The following DIAPH2 variants were observed in gnomAD, a reference collection of about 807,000 sequenced individuals.
DIAPH2 encodes the protein protein diaphanous homolog 2.
In DIAPH2, 35 loss-of-function variants were observed where a neutral mutation model predicts 92.7. The observed-to-expected ratio is 0.38, with a 90% CI of 0.29 to 0.50. DIAPH2 has a LOEUF of 0.50. Ranked by LOEUF, DIAPH2 falls within the 20% of genes least tolerant of loss-of-function variation. The pLI, the probability that DIAPH2 is intolerant of heterozygous loss-of-function variation, is 0.94. For synonymous variants in DIAPH2, 301 were observed against 280.4 expected (o/e 1.07, Z -0.73); for missense variants, 701 against 819.5 (o/e 0.86, Z 1.77).
chrX:96,836,236 A>G (rs2064885866), intron 4 of DIAPH2, among the ~76,000 whole-genome samples: 1 of 109,866 alleles, frequency 9.1e-6, no homozygotes, highest in Non-Finnish European at 1.9e-5. Context: ...TCTCTTAACC[A>G]CAGAGGTGGT....
At chrX:97,395,945 C>T (rs1185914120) in intron 25 of DIAPH2, among the ~76,000 whole-genome samples, 1 of 111,972 alleles carries the variant, frequency 8.9e-6, no homozygotes, top group Non-Finnish European at 1.9e-5. Flanking sequence ...ACAAATTTGG[C>T]TTTTCTCTAC....
At chrX:96,813,257 T>A (rs2147664687) in intron 4 of DIAPH2, among the ~76,000 whole-genome samples, 1 of 110,653 alleles carries the variant, frequency 9.0e-6, no homozygotes, top group South Asian at 3.9e-4. Flanking sequence ...GTTGAATTGA[T>A]CCCTTTACCA....
At chrX:96,763,285 A>AT (rs1485901279) in intron 4 of DIAPH2, among the ~76,000 whole-genome samples, 29 of 111,052 alleles carry the variant, frequency 2.6e-4, no homozygotes, top group Non-Finnish European at 2.8e-4. Flanking sequence ...CTGGACAAGT[A>AT]TTTTTTCTGT....
rs548213064 is a variant in DIAPH2 at position 96,984,598 on chromosome X, G to A, written c.2050+19391G>A. On this transcript the variant is annotated intron_variant, in intron 17 of 26. Transcript: ENST00000324765. ...CAGCAACAGTGATATTGCTGGTCAG[G>A]GTCCAATGTCTCAGGATTAATATGG... Among the ~76,000 whole-genome samples the A allele has an allele frequency of 5.4e-5, 6 of 110,929 alleles. No individual in the cohort carries two copies. In the South Asian group the frequency reaches 1.1e-3, roughly 21 times the overall value.
At chrX:96,695,060 G>C (rs1319945864) in intron 1 of DIAPH2, among the ~76,000 whole-genome samples, 1 of 108,219 alleles carries the variant, frequency 9.2e-6, no homozygotes, top group Non-Finnish European at 1.9e-5. Context: ...AGATTCTCCT[G>C]CCTCAGCCTC....
intron 25 of DIAPH2, among the ~76,000 whole-genome samples, chrX:97,384,576 GTTGT>G (rs1569381136): frequency 8.9e-6 from 1 of 111,854 alleles, no homozygotes; most frequent in Non-Finnish European, 1.9e-5. Flanking sequence ...TTTAAAGTAA[GTTGT>G]TTGAGGCCGG....
At chrX:96,885,763 C>G (rs2065257755) in intron 5 of DIAPH2, among the ~76,000 whole-genome samples, 1 of 111,516 alleles carries the variant, frequency 9.0e-6, no homozygotes, top group South Asian at 3.7e-4. Flanking sequence ...ATGATTATTT[C>G]ATATATGATG....
intron 26 of DIAPH2, among the ~76,000 whole-genome samples, chrX:97,571,195 C>G (rs1313281473): frequency 9.0e-6 from 1 of 111,002 alleles, no homozygotes; most frequent in East Asian, 2.8e-4. Flanking sequence ...CAAGAAAGAA[C>G]CAGTCTTAAA....
At chrX:97,439,738 C>T (rs1030129898) in intron 26 of DIAPH2, among the ~76,000 whole-genome samples, 17 of 86,607 alleles carry the variant, frequency 2.0e-4, no homozygotes, top group Non-Finnish European at 1.9e-4. Flanking sequence ...CAGAGCCAGA[C>T]TCTGTCTCAA....
At chrX:97,268,093 A>G (rs1439385045) in intron 23 of DIAPH2, among the ~76,000 whole-genome samples, 1 of 112,118 alleles carries the variant, frequency 8.9e-6, no homozygotes, top group Non-Finnish European at 1.9e-5. Context: ...TACCATAATC[A>G]AAGAGCTAGA....
chrX:97,218,181 C>T (rs2067898993), intron 22 of DIAPH2, among the ~76,000 whole-genome samples: 1 of 108,173 alleles, frequency 9.2e-6, no homozygotes, highest in Admixed American at 9.9e-5. Context: ...CCTCCGCCTC[C>T]CAGGTTCAAG....
chrX:97,491,662 C>T (rs769908968), intron 26 of DIAPH2, among the ~76,000 whole-genome samples: 1 of 111,824 alleles, frequency 8.9e-6, no homozygotes, highest in East Asian at 2.8e-4. Flanking sequence ...ACCCAAAGTG[C>T]TGGGATTACA....
chrX:97,333,145 C>T (rs976891694), intron 23 of DIAPH2, among the ~76,000 whole-genome samples: 1 of 111,753 alleles, frequency 8.9e-6, no homozygotes, highest in Non-Finnish European at 1.9e-5. Flanking sequence ...ACTGAACCAA[C>T]AAGAATGTTA....
chrX:97,450,607 GC>G (rs1385090937), intron 26 of DIAPH2, among the ~76,000 whole-genome samples: 4 of 111,140 alleles, frequency 3.6e-5, no homozygotes, highest in Admixed American at 1.9e-4. Context: ...TCATCCCGCA[GC>G]CCCCACCTCT....
chrX:97,317,164 A>G (rs1218700919), intron 23 of DIAPH2, among the ~76,000 whole-genome samples: 1 of 112,090 alleles, frequency 8.9e-6, no homozygotes, highest in Non-Finnish European at 1.9e-5. Flanking sequence ...GAACATTGAA[A>G]ATGTTACAAT....
chrX:96,981,514 T>C (rs1401657771), intron 17 of DIAPH2, among the ~76,000 whole-genome samples: 1 of 112,270 alleles, frequency 8.9e-6, no homozygotes, highest in Non-Finnish European at 1.9e-5. Flanking sequence ...TTTCTGTAAT[T>C]ATATGTTAAT....
intron 4 of DIAPH2, among the ~76,000 whole-genome samples, chrX:96,775,530 A>T (rs1002831600): frequency 6.3e-5 from 7 of 110,821 alleles, no homozygotes; most frequent in Non-Finnish European, 9.4e-5. Context: ...ATAGCTCTTC[A>T]TCATACCAAC....
At chrX:96,728,481 T>TA (rs1435124177) in intron 1 of DIAPH2, among the ~76,000 whole-genome samples, 2 of 111,796 alleles carry the variant, frequency 1.8e-5, no homozygotes, top group Non-Finnish European at 3.8e-5. Context: ...AAAGTGCTGG[T>TA]AGTACAGGTG....
chrX:96,793,962 T>C (rs1242536980), intron 4 of DIAPH2, among the ~76,000 whole-genome samples: 3 of 111,985 alleles, frequency 2.7e-5, no homozygotes, highest in Admixed American at 9.4e-5. Flanking sequence ...GTATCTGGCT[T>C]AATCTGTTCA....
Sources: gnomAD v4.1 joint callset for allele counts (sites outside exome capture counted in the v4.1 genomes callset) on GRCh38, gnomAD v4.1.1 for gene constraint, MANE v1.5 for transcripts, NCBI Gene and HGNC (gene_info 2026-07-23, HGNC 2026-07-21) for gene names.